The following GRM5 variants were observed in gnomAD, a reference collection of about 807,000 sequenced individuals.
GRM5 encodes glutamate metabotropic receptor 5, also known as metabotropic glutamate receptor 5.
In GRM5, 19 loss-of-function variants were observed where a neutral mutation model predicts 83.1. That is an observed-to-expected ratio of 0.23 (90% CI 0.16 to 0.34). The LOEUF (loss-of-function observed/expected upper bound fraction) is 0.34. GRM5 is among the 10% of genes least tolerant of loss of function. The pLI is 1.00. For missense variants in GRM5, 1,160 were observed against 1,588.3 expected (o/e 0.73, Z 4.58); for synonymous variants, 675 against 633.6 (o/e 1.07, Z -0.98).
intron 2 of GRM5, among the ~76,000 whole-genome samples, chr11:88,877,235 G>GTTAATAATA (rs1565273077): frequency 3.9e-5 from 6 of 152,040 alleles, no homozygotes; most frequent in Non-Finnish European, 8.8e-5. Flanking sequence ...AGTATTTGAG[G>GTTAATAATA]TGAATAATAT....
intron 2 of GRM5, among the ~76,000 whole-genome samples, chr11:88,944,234 G>T (rs1565303693): frequency 6.6e-6 from 1 of 151,902 alleles, no homozygotes; most frequent in Admixed American, 6.6e-5. Context: ...AGATTATAAG[G>T]AATTTCCTAT....
chr11:88,869,167 C>T (rs1230213367), intron 2 of GRM5, among the ~76,000 whole-genome samples: 2 of 151,554 alleles, frequency 1.3e-5, no homozygotes, highest in African/African-American at 4.8e-5. Flanking sequence ...ATCTGTAATT[C>T]TGCCCAAGCC....
chr11:88,556,563 C>A (rs191871449), intron 8 of GRM5, among the ~76,000 whole-genome samples: 1 of 151,972 alleles, frequency 6.6e-6, no homozygotes, highest in African/African-American at 2.4e-5. Context: ...CCTCATGATC[C>A]GCCTGCCTTA....
At chr11:88,795,604 A>C (rs1312929059) in intron 3 of GRM5, among the ~76,000 whole-genome samples, 1 of 152,202 alleles carries the variant, frequency 6.6e-6, no homozygotes, top group African/African-American at 2.4e-5. Context: ...TTTTAATGCA[A>C]GCTTCTGTGA....
chr11:88,720,933 T>C (rs1488275279), intron 3 of GRM5, among the ~76,000 whole-genome samples: 2 of 151,874 alleles, frequency 1.3e-5, no homozygotes, highest in Non-Finnish European at 2.9e-5. Context: ...TCAGATGTGT[T>C]TTTTCATAAT....
chr11:88,640,697 C>T (rs1279769208), intron 4 of GRM5, among the ~76,000 whole-genome samples: 1 of 152,070 alleles, frequency 6.6e-6, no homozygotes, highest in Non-Finnish European at 1.5e-5. Context: ...CAGTGGCTCA[C>T]AAAACTCATA....
chr11:88,730,371 C>T (rs980154708), intron 3 of GRM5, among the ~76,000 whole-genome samples: 8 of 151,056 alleles, frequency 5.3e-5, no homozygotes, highest in African/African-American at 1.9e-4. Flanking sequence ...AGTCAGGAAA[C>T]ATGCTGGAGA....
chr11:88,830,144 A>T (rs1943962252), intron 3 of GRM5, among the ~76,000 whole-genome samples: 1 of 152,124 alleles, frequency 6.6e-6, no homozygotes, highest in African/African-American at 2.4e-5. Context: ...GCACTAGCAT[A>T]ATGTCTACTT....
At chr11:88,683,702 A>T (rs1211783653) in intron 3 of GRM5, among the ~76,000 whole-genome samples, 1 of 152,242 alleles carries the variant, frequency 6.6e-6, no homozygotes, top group African/African-American at 2.4e-5. Flanking sequence ...GGTAAATGTA[A>T]ATTTATTATA....
chr11:88,598,135 A>G (rs907198673), intron 5 of GRM5, among the ~76,000 whole-genome samples: 6 of 152,114 alleles, frequency 3.9e-5, no homozygotes, highest in Non-Finnish European at 1.5e-5. Context: ...TTCTACAGGT[A>G]TGTCTCAGGT....
intron 7 of GRM5, among the ~76,000 whole-genome samples, chr11:88,580,364 A>G (rs1209626821): frequency 6.6e-6 from 1 of 152,234 alleles, no homozygotes; most frequent in Non-Finnish European, 1.5e-5. Context: ...AAGCAAGTGT[A>G]GACAGAAAAG....
chr11:88,670,394 A>G (rs1023268893), intron 3 of GRM5, among the ~76,000 whole-genome samples: 3 of 152,000 alleles, frequency 2.0e-5, no homozygotes, highest in Non-Finnish European at 4.4e-5. Flanking sequence ...AAAAGTATCT[A>G]TAATATAACT....
At chr11:88,726,603 T>C (rs1455021326) in intron 3 of GRM5, among the ~76,000 whole-genome samples, 2 of 152,096 alleles carry the variant, frequency 1.3e-5, no homozygotes, top group African/African-American at 4.8e-5. Context: ...TTCACCAATG[T>C]TGAAATGAAG....
At chr11:88,750,370 A>G (rs1406994926) in intron 3 of GRM5, among the ~76,000 whole-genome samples, 2 of 152,204 alleles carry the variant, frequency 1.3e-5, no homozygotes, top group Admixed American at 6.5e-5. Context: ...AAAGTCTTCA[A>G]TTCAACAAGA....
At chr11:88,876,093 A>T (rs1944848593) in intron 2 of GRM5, among the ~76,000 whole-genome samples, 1 of 152,114 alleles carries the variant, frequency 6.6e-6, no homozygotes. Flanking sequence ...CTTAGATAGC[A>T]TCTTCTTCCA....
chr11:88,523,619 AC>A (rs1333289091), intron 9 of GRM5, among the ~76,000 whole-genome samples: 5 of 152,126 alleles, frequency 3.3e-5, no homozygotes, highest in African/African-American at 1.2e-4. Context: ...ACCAAAGTAC[AC>A]ACATATATGC....
intron 3 of GRM5, among the ~76,000 whole-genome samples, chr11:88,662,247 C>G (rs1939926084): frequency 6.6e-6 from 1 of 152,116 alleles, no homozygotes; most frequent in Non-Finnish European, 1.5e-5. Flanking sequence ...ATAACCTACT[C>G]AAAACCCCAT....
chr11:88,943,374 C>A (rs1042560374), intron 2 of GRM5, among the ~76,000 whole-genome samples: 2 of 152,018 alleles, frequency 1.3e-5, no homozygotes, highest in Admixed American at 1.3e-4. Flanking sequence ...ATCAGATAAT[C>A]TTTTTCAGAT....
At chr11:88,752,196 A>G (rs1375329381) in intron 3 of GRM5, among the ~76,000 whole-genome samples, 1 of 152,210 alleles carries the variant, frequency 6.6e-6, no homozygotes, top group Non-Finnish European at 1.5e-5. Context: ...TCCTATATAT[A>G]GACAACCCCA....
Sources: gnomAD v4.1 joint callset for allele counts (sites outside exome capture counted in the v4.1 genomes callset) on GRCh38, gnomAD v4.1.1 for gene constraint, MANE v1.5 for transcripts, NCBI Gene and HGNC (gene_info 2026-07-23, HGNC 2026-07-21) for gene names.